Variants in VEGFC observed in about 807,000 individuals in gnomAD.
VEGFC encodes the protein FLT4 ligand DHM.
In VEGFC, 12 loss-of-function variants were observed where a neutral mutation model predicts 46.1. The ratio of observed to expected loss-of-function variants is 0.26; its 90% CI spans 0.17 to 0.42. The LOEUF (loss-of-function observed/expected upper bound fraction) is 0.42. VEGFC is among the 10% of genes least tolerant of loss of function. VEGFC has a pLI of 1.00. For synonymous variants in VEGFC, 232 were observed against 195.5 expected, an observed-to-expected ratio of 1.19 and a Z score of -1.56; for missense variants, 488 against 529.4, an observed-to-expected ratio of 0.92 and a Z score of 0.77.
At chr4:176,694,054 G>T (rs1734260800) in intron 4 of VEGFC, among the ~76,000 whole-genome samples, 1 of 150,950 alleles carries the variant, frequency 6.6e-6, no homozygotes, top group African/African-American at 2.5e-5. Context: ...ATCGAGACTA[G>T]GAAGAAACTG....
chr4:176,697,426 T>C lies in VEGFC; in HGVS notation c.705-9499A>G, dbSNP rs569906127. 9.9e-4 allele frequency among the ~76,000 whole-genome samples: 150 copies of C among 152,236 alleles called. 1 individual carries two copies. Among genetic ancestry groups the C allele is most frequent in the Non-Finnish European group, 1.7e-3 (116 of 68,026 alleles). ...TCATCAGAGAAATGCAAATCAAAAC[T>C]ACAATGAGATACCATCTCACACCAC... On this transcript the variant is annotated intron_variant, in intron 4 of 6. Transcript: ENST00000618562.
intron 1 of VEGFC, among the ~76,000 whole-genome samples, chr4:176,738,247 A>G (rs887350400): frequency 3.9e-5 from 6 of 152,100 alleles, no homozygotes; most frequent in African/African-American, 1.2e-4. Flanking sequence ...TAGCCAAGAC[A>G]ATCCTAAGCA....
In VEGFC at chr4:176,687,597, C is replaced by T. The variant is rs1426817419; in HGVS notation, c.812-77G>A. On this transcript the variant is annotated intron_variant, in intron 5 of 6. Transcript: ENST00000618562. Reference sequence around the variant, plus strand: ...GGCATGAAACAAAAGCTTTTAAAAGCATCTTCCTTTTGTATGTTTTCCATC... The same window carrying T: ...GGCATGAAACAAAAGCTTTTAAAAGTATCTTCCTTTTGTATGTTTTCCATC... 5 of 1,359,356 alleles carry T rather than the reference C, an allele frequency of 3.7e-6. No individual in the cohort carries two copies. The East Asian group carries it at 1.3e-4, about 34-fold the overall frequency. 84.2% of individuals were successfully genotyped at this position (1,359,356 alleles called of 1,614,324 possible).
At chr4:176,784,593 T>TA (rs1460077444) in intron 1 of VEGFC, among the ~76,000 whole-genome samples, 17 of 148,780 alleles carry the variant, frequency 1.1e-4, no homozygotes, top group African/African-American at 3.3e-4. Flanking sequence ...TAAAAAAATA[T>TA]AAAAAAAAAA....
chr4:176,768,491 C>CATACATATAT, intron 1 of VEGFC, among the ~76,000 whole-genome samples: 1 of 100,564 alleles, frequency 9.9e-6, no homozygotes, highest in East Asian at 4.7e-4. Flanking sequence ...ATGTTTTATA[C>CATACATATAT]ATATATATAT....
intron 1 of VEGFC, among the ~76,000 whole-genome samples, chr4:176,736,195 G>A (rs1356097778): frequency 6.6e-6 from 1 of 151,876 alleles, no homozygotes; most frequent in East Asian, 1.9e-4. Flanking sequence ...GACAATGATA[G>A]CTTTGAATTT....
chr4:176,696,760 C>T (rs1486961731), intron 4 of VEGFC, among the ~76,000 whole-genome samples: 1 of 152,166 alleles, frequency 6.6e-6, no homozygotes, highest in Admixed American at 6.5e-5. Flanking sequence ...GTAACCAAAA[C>T]AGCATGGTAC....
Position 176,735,032 on chromosome 4 carries a change from C to T in VEGFC, c.148-5286G>A, listed in dbSNP as rs552618956. 2.0e-5 allele frequency among the ~76,000 whole-genome samples: 3 copies of T among 151,448 alleles called. No homozygotes were observed. The South Asian group carries it at 6.2e-4, about 31-fold the overall frequency. ...TGCTATCTATAGATGATGAAGAGGC[C>T]AGTTATTGCTTTGAAAAAAGGGTCT... On this transcript the variant is annotated intron_variant, in intron 1 of 6. Transcript: ENST00000618562.
At chr4:176,740,700 T>C (rs2110877953) in intron 1 of VEGFC, among the ~76,000 whole-genome samples, 1 of 151,342 alleles carries the variant, frequency 6.6e-6, no homozygotes, top group East Asian at 1.9e-4. Flanking sequence ...TCATTTATAC[T>C]ATTCAGAAGA....
At chr4:176,776,048 A>G (rs1452973541) in intron 1 of VEGFC, among the ~76,000 whole-genome samples, 1 of 152,250 alleles carries the variant, frequency 6.6e-6, no homozygotes, top group Admixed American at 6.5e-5. Context: ...ATGTTAGGTT[A>G]TAAACACACA....
At chr4:176,727,482 T>C (rs933111507) in intron 3 of VEGFC, among the ~76,000 whole-genome samples, 1 of 152,140 alleles carries the variant, frequency 6.6e-6, no homozygotes, top group African/African-American at 2.4e-5. Context: ...CACACACACA[T>C]ACACACGTAC....
chr4:176,723,339 A>G (rs182926485), intron 3 of VEGFC, among the ~76,000 whole-genome samples: 1 of 152,248 alleles, frequency 6.6e-6, no homozygotes, highest in African/African-American at 2.4e-5. Context: ...ATACATACAT[A>G]TATAAAGTTT....
chr4:176,771,528 C>T (rs1486008463), intron 1 of VEGFC, among the ~76,000 whole-genome samples: 2 of 152,150 alleles, frequency 1.3e-5, no homozygotes, highest in Non-Finnish European at 2.9e-5. Flanking sequence ...TTTCCATTAA[C>T]ATCATAAATG....
intron 4 of VEGFC, among the ~76,000 whole-genome samples, chr4:176,699,468 G>A (rs1054849388): frequency 6.6e-6 from 1 of 152,218 alleles, no homozygotes; most frequent in Non-Finnish European, 1.5e-5. Context: ...GTTCAAACTT[G>A]TAATTGTATT....
Position 176,740,106 on chromosome 4 carries a change from T to A in VEGFC, c.148-10360A>T, listed in dbSNP as rs1370266951. Reference sequence around the variant, plus strand: ...TATTCTATATATTCTATACATATATTCTATATATATATTCTATATATAGAA... The same window carrying A: ...TATTCTATATATTCTATACATATATACTATATATATATTCTATATATAGAA... On this transcript the variant is annotated intron_variant, in intron 1 of 6. Transcript: ENST00000618562. Among the ~76,000 whole-genome samples, 39 of 127,522 alleles carry A rather than the reference T, an allele frequency of 3.1e-4. 2 individuals are homozygous for A. Among genetic ancestry groups the A allele is most frequent in the African/African-American group, 1.1e-3 (38 of 34,392 alleles). 83.7% of individuals were successfully genotyped at this position (127,522 alleles called of 152,430 possible). A position where few individuals can be genotyped will look rare whatever the true frequency, so the allele number is the denominator to read the frequency against.
At chr4:176,728,534 A>T (rs1473295358) in intron 2 of VEGFC, among the ~76,000 whole-genome samples, 1 of 152,106 alleles carries the variant, frequency 6.6e-6, no homozygotes, top group South Asian at 2.1e-4. Context: ...ACCAACTGGG[A>T]CTCATTCTGA....
intron 4 of VEGFC, among the ~76,000 whole-genome samples, chr4:176,703,713 T>C (rs1036377600): frequency 1.3e-5 from 2 of 152,176 alleles, no homozygotes; most frequent in African/African-American, 4.8e-5. Flanking sequence ...ATTATATGTA[T>C]GTATCAAAAT....
chr4:176,749,432 G>A (rs906312871), intron 1 of VEGFC, among the ~76,000 whole-genome samples: 10 of 151,616 alleles, frequency 6.6e-5, no homozygotes, highest in Admixed American at 5.9e-4. Flanking sequence ...TGTTTTAAAT[G>A]TCAAATTTTG....
At chr4:176,777,918 C>CAAAAAAAAA (rs773634012) in intron 1 of VEGFC, among the ~76,000 whole-genome samples, 5 of 57,170 alleles carry the variant, frequency 8.7e-5, no homozygotes, top group Admixed American at 3.2e-4. Context: ...GACTTTGTCT[C>CAAAAAAAAA]AAAAAAAAAA....
Sources: gnomAD v4.1 joint callset for allele counts (sites outside exome capture counted in the v4.1 genomes callset) on GRCh38, gnomAD v4.1.1 for gene constraint, MANE v1.5 for transcripts, NCBI Gene and HGNC (gene_info 2026-07-23, HGNC 2026-07-21) for gene names.